SNTG2: variants seen among roughly 807,000 people sequenced by gnomAD.
SNTG2 encodes the protein syntrophin gamma 2, also known as gamma-2-syntrophin.
A neutral mutation model predicts 70.9 loss-of-function variants in SNTG2; 74 were observed. The observed-to-expected ratio is 1.04, with a 90% confidence interval of 0.86 to 1.27. The LOEUF (loss-of-function observed/expected upper bound fraction) is 1.27, where lower values mean the gene tolerates loss of function less well. SNTG2 is among the 50% of genes most tolerant of loss of function. The pLI is 0.00. For missense variants in SNTG2, 717 were observed against 690.7 expected (o/e 1.04, Z -0.43); for synonymous variants, 278 against 273.8 (o/e 1.02, Z -0.15).
intron 1 of SNTG2, among the ~76,000 whole-genome samples, chr2:981,922 GCA>G (rs1217602687): frequency 6.6e-6 from 1 of 151,946 alleles, no homozygotes; most frequent in Non-Finnish European, 1.5e-5. Flanking sequence ...CCACACAGAT[GCA>G]CACTCACATG....
intron 8 of SNTG2, among the ~76,000 whole-genome samples, chr2:1,186,101 A>T (rs1045714296): frequency 1.4e-4 from 21 of 152,120 alleles, no homozygotes; most frequent in Admixed American, 1.3e-3. Context: ...CCATATCATA[A>T]CTCTCAAGTT....
At chr2:1,070,085 G>A (rs570022978) in intron 1 of SNTG2, among the ~76,000 whole-genome samples, 2 of 152,070 alleles carry the variant, frequency 1.3e-5, no homozygotes, top group Admixed American at 6.5e-5. Context: ...AGCTTTTTGC[G>A]AAACCATCGG....
intron 6 of SNTG2, among the ~76,000 whole-genome samples, chr2:1,150,863 G>C (rs541791367): frequency 6.6e-6 from 1 of 152,028 alleles, no homozygotes; most frequent in African/African-American, 2.4e-5. Context: ...CTGTCCCGGG[G>C]ACTTGCCTGG....
At chr2:994,530 C>T (rs1054784335) in intron 1 of SNTG2, among the ~76,000 whole-genome samples, 2 of 151,960 alleles carry the variant, frequency 1.3e-5, no homozygotes, top group African/African-American at 4.8e-5. Context: ...CCTGGAACAT[C>T]CATAAAATTT....
At chr2:1,364,737 CAAAAAAAA>C (rs371977526) in intron 16 of SNTG2, among the ~76,000 whole-genome samples, 10 of 131,992 alleles carry the variant, frequency 7.6e-5, no homozygotes, top group Middle Eastern at 4.1e-3. Flanking sequence ...CTAAAAATAC[CAAAAAAAA>C]AAAAAAAAAA....
At chr2:1,252,840 A>G (rs1677843042) in intron 12 of SNTG2, among the ~76,000 whole-genome samples, 1 of 152,100 alleles carries the variant, frequency 6.6e-6, no homozygotes, top group Non-Finnish European at 1.5e-5. Flanking sequence ...ATGTATTAGT[A>G]TTCACCAACT....
At position 1,075,061 on chromosome 2, in the gene SNTG2, C is replaced by G. The variant is rs143342260; in HGVS notation, c.73-8457C>G. ...CTATACAGAATGGACCATAGAGATC[C>G]AATATTCTCCTCATTACAGGTGCCA... On this transcript the variant is annotated intron_variant, in intron 1 of 16. Transcript: ENST00000308624. Among the ~76,000 whole-genome samples, 862 of 152,274 alleles carry G rather than the reference C, an allele frequency of 5.7e-3. 9 individuals are homozygous for G. The highest frequency in any genetic ancestry group is 0.018 in the African/African-American group (754 of 41,544).
At chr2:1,110,274 A>G (rs1008398224) in intron 4 of SNTG2, among the ~76,000 whole-genome samples, 1 of 152,188 alleles carries the variant, frequency 6.6e-6, no homozygotes, top group African/African-American at 2.4e-5. Context: ...ACAGAGACTT[A>G]TGAGCTTTGT....
intron 14 of SNTG2, among the ~76,000 whole-genome samples, chr2:1,269,386 T>G (rs541649008): frequency 6.6e-6 from 1 of 152,280 alleles, no homozygotes; most frequent in South Asian, 2.1e-4. Context: ...CCAGGCATGG[T>G]AGCTGATGCC....
intron 6 of SNTG2, chr2:1,161,113 G>A (rs1459364530): frequency 6.6e-6 from 1 of 152,354 alleles, no homozygotes; most frequent in Non-Finnish European, 1.5e-5. Flanking sequence ...CACTGTAATG[G>A]GAGCTGCAGG....
intron 1 of SNTG2, among the ~76,000 whole-genome samples, chr2:1,047,132 G>A (rs764521953): frequency 2.0e-5 from 3 of 152,128 alleles, no homozygotes; most frequent in Non-Finnish European, 2.9e-5. Flanking sequence ...TCAGCTTGGT[G>A]TATTCTGCTG....
intron 6 of SNTG2, chr2:1,161,750 T>C (rs1428590304): frequency 6.6e-6 from 1 of 152,170 alleles, no homozygotes; most frequent in Admixed American, 6.5e-5. Flanking sequence ...AAAATAATAA[T>C]AAATTGAAGC....
intron 2 of SNTG2, among the ~76,000 whole-genome samples, chr2:1,092,162 C>CT (rs1665068300): frequency 6.6e-6 from 1 of 152,106 alleles, no homozygotes; most frequent in South Asian, 2.1e-4. Context: ...AAGTATCTTT[C>CT]ATGTGTGGGT....
chr2:1,059,556 G>A (rs1477381554), intron 1 of SNTG2, among the ~76,000 whole-genome samples: 2 of 152,042 alleles, frequency 1.3e-5, no homozygotes, highest in East Asian at 1.9e-4. Context: ...TTTTGGATAC[G>A]TAATTTGTAA....
intron 14 of SNTG2, among the ~76,000 whole-genome samples, chr2:1,271,424 A>G (rs984601332): frequency 5.9e-5 from 9 of 151,756 alleles, no homozygotes; most frequent in African/African-American, 1.9e-4. Context: ...CTAACAGGAC[A>G]TTGCAATGTC....
At chr2:979,887 TTTAAG>T (rs111387090) in intron 1 of SNTG2, among the ~76,000 whole-genome samples, 46,113 of 151,808 alleles carry the variant, frequency 0.3, 7,356 homozygotes, top group Middle Eastern at 0.41. Flanking sequence ...GAGATTATAA[TTTAAG>T]TTATGTTAAA....
intron 4 of SNTG2, among the ~76,000 whole-genome samples, chr2:1,121,805 C>T (rs1369829267): frequency 2.0e-5 from 3 of 152,068 alleles, no homozygotes; most frequent in East Asian, 1.9e-4. Context: ...TCCCTTGACA[C>T]GTGGGGATCA....
chr2:1,077,719 A>C (rs2148154576), intron 1 of SNTG2, among the ~76,000 whole-genome samples: 1 of 152,208 alleles, frequency 6.6e-6, no homozygotes, highest in Middle Eastern at 3.4e-3. Context: ...ATTTCCTCAC[A>C]GGTTTTTATT....
At chr2:1,302,591 AAG>A (rs975676935) in intron 14 of SNTG2, among the ~76,000 whole-genome samples, 5 of 152,138 alleles carry the variant, frequency 3.3e-5, no homozygotes, top group Admixed American at 2.0e-4. Flanking sequence ...CAGGAAAAAA[AAG>A]AGAAATCAAA....
Sources: allele counts gnomAD v4.1 joint callset (sites outside exome capture counted in the v4.1 genomes callset), GRCh38; gene constraint gnomAD v4.1.1; transcripts MANE v1.5; gene names NCBI Gene and HGNC (gene_info 2026-07-23, HGNC 2026-07-21).